Variants in NME7 observed in about 807,000 individuals in gnomAD.
NME7 encodes nucleoside diphosphate kinase 7.
A neutral mutation model predicts 49.1 loss-of-function variants in NME7; 41 were observed. The observed-to-expected ratio is 0.83, with a 90% confidence interval of 0.65 to 1.08. The LOEUF is 1.08. Among genes scored for constraint, NME7 ranks in the 50% least tolerant of loss-of-function variants. The pLI is 0.00. For missense variants in NME7, 423 were observed against 463.4 expected, an observed-to-expected ratio of 0.91 and a Z score of 0.80; for synonymous variants, 139 against 150.6, an observed-to-expected ratio of 0.92 and a Z score of 0.56.
chr1:169,278,051 G>A (rs964789581), intron 7 of NME7, among the ~76,000 whole-genome samples: 1 of 151,846 alleles, frequency 6.6e-6, no homozygotes, highest in African/African-American at 2.4e-5. Flanking sequence ...TCTGCCGAGA[G>A]ATCCGCTGTT....
intron 1 of NME7, among the ~76,000 whole-genome samples, chr1:169,333,699 A>C (rs1158801139): frequency 8.5e-5 from 13 of 152,154 alleles, no homozygotes; most frequent in Admixed American, 8.5e-4. Context: ...ACAGAGGTGA[A>C]CCCAGGCAGC....
At chr1:169,166,452 A>G (rs1262009133) in intron 11 of NME7, among the ~76,000 whole-genome samples, 1 of 152,178 alleles carries the variant, frequency 6.6e-6, no homozygotes, top group African/African-American at 2.4e-5. Context: ...TAACAACAAC[A>G]AAGAAACTTA....
intron 11 of NME7, among the ~76,000 whole-genome samples, chr1:169,140,960 G>T (rs1342507540): frequency 6.6e-6 from 1 of 152,102 alleles, no homozygotes; most frequent in African/African-American, 2.4e-5. Context: ...GTCCACTGGG[G>T]TTGAAAGCCA....
intron 3 of NME7, chr1:169,322,071 G>A (rs1480584165): frequency 6.6e-6 from 1 of 152,094 alleles, no homozygotes; most frequent in African/African-American, 2.4e-5. Flanking sequence ...CATAAATGTA[G>A]AGACTGAAAA....
chr1:169,186,498 T>C (rs1206417532), intron 10 of NME7, among the ~76,000 whole-genome samples: 1 of 152,142 alleles, frequency 6.6e-6, no homozygotes, highest in Non-Finnish European at 1.5e-5. Flanking sequence ...CTTGGGAGGG[T>C]GTATGTGTCC....
intron 10 of NME7, among the ~76,000 whole-genome samples, chr1:169,223,898 A>C (rs547966250): frequency 6.6e-6 from 1 of 152,276 alleles, no homozygotes; most frequent in South Asian, 2.1e-4. Flanking sequence ...CCTTCATATC[A>C]TATCTCCAAT....
chr1:169,351,543 T>C (rs1653172600), intron 1 of NME7, among the ~76,000 whole-genome samples: 1 of 146,860 alleles, frequency 6.8e-6, no homozygotes, highest in Non-Finnish European at 1.5e-5. Context: ...TGGAGCAAAC[T>C]GAAACCAAAA....
At chr1:169,144,467 G>C (rs79967937) in intron 11 of NME7, among the ~76,000 whole-genome samples, 22 of 152,058 alleles carry the variant, frequency 1.4e-4, no homozygotes, top group African/African-American at 5.1e-4. Flanking sequence ...TATCTAACAG[G>C]AGGCTCATCT....
intron 1 of NME7, among the ~76,000 whole-genome samples, chr1:169,357,687 A>C (rs1044164725): frequency 7.2e-5 from 11 of 152,256 alleles, no homozygotes; most frequent in African/African-American, 2.6e-4. Flanking sequence ...GGTTTAACAT[A>C]AATGATAAAA....
At chr1:169,323,803 C>A (rs1651946714) in intron 2 of NME7, among the ~76,000 whole-genome samples, 1 of 122,908 alleles carries the variant, frequency 8.1e-6, no homozygotes, top group East Asian at 2.5e-4. Context: ...TTGTTTATTT[C>A]TTATCCAAAA....
At chr1:169,181,364 TACAC>T (rs58453647) in intron 10 of NME7, among the ~76,000 whole-genome samples, 15,816 of 91,374 alleles carry the variant, frequency 0.17, 866 homozygotes, top group East Asian at 0.44. Context: ...CTCAAATTCC[TACAC>T]ACACACACAC....
intron 6 of NME7, among the ~76,000 whole-genome samples, chr1:169,295,518 C>T (rs1329040817): frequency 6.6e-6 from 1 of 152,046 alleles, no homozygotes; most frequent in Non-Finnish European, 1.5e-5. Flanking sequence ...CAAAACAATA[C>T]CACATTTACA....
At position 169,249,125 on chromosome 1, in the gene NME7, G is replaced by A. The variant is rs550998175; in HGVS notation, c.755-11438C>T. On this transcript the variant is annotated intron_variant, in intron 7 of 11. Coordinates refer to ENST00000367811, the MANE Select transcript of NME7 (RefSeq NM_013330.5). The stretch of plus-strand genomic sequence containing the variant: ...TTATTCCAATCCATGAGCATGGGAT[G>A]TGTTTCCATTTGTTTGTGTCATCTA... 2.0e-3 allele frequency among the ~76,000 whole-genome samples: 303 copies of A among 152,206 alleles called. 4 individuals carry two copies. Among genetic ancestry groups the A allele is most frequent in the African/African-American group, 7.1e-3 (294 of 41,560 alleles).
chr1:169,245,545 T>G (rs1396831404), intron 7 of NME7, among the ~76,000 whole-genome samples: 2 of 152,094 alleles, frequency 1.3e-5, no homozygotes, highest in African/African-American at 4.8e-5. Context: ...GGAAAGAAAC[T>G]GAAAGAAAAG....
chr1:169,280,364 T>G (rs925210292), intron 7 of NME7, among the ~76,000 whole-genome samples: 5 of 152,194 alleles, frequency 3.3e-5, no homozygotes, highest in African/African-American at 1.2e-4. Context: ...TAGCCCTTTG[T>G]CAGATGGATA....
intron 10 of NME7, among the ~76,000 whole-genome samples, chr1:169,171,285 TGAGCCTGTGAGGTC>T (rs1314207334): frequency 6.6e-6 from 1 of 151,964 alleles, no homozygotes; most frequent in Non-Finnish European, 1.5e-5. Flanking sequence ...GAGGATGGCT[TGAGCCTGTGAGGTC>T]GAGGCTGCAG....
chr1:169,288,667 G>A (rs868621975), intron 6 of NME7, among the ~76,000 whole-genome samples: 6 of 152,126 alleles, frequency 3.9e-5, no homozygotes, highest in African/African-American at 4.8e-5. Flanking sequence ...GTATACACCT[G>A]AGCATTTCCA....
intron 1 of NME7, among the ~76,000 whole-genome samples, chr1:169,366,803 C>T (rs1342825293): frequency 6.6e-6 from 1 of 152,102 alleles, no homozygotes; most frequent in Non-Finnish European, 1.5e-5. Flanking sequence ...AATGTCTTCA[C>T]AGAGAATGGG....
chr1:169,275,240 G>A (rs535108330), intron 7 of NME7, among the ~76,000 whole-genome samples: 1 of 130,638 alleles, frequency 7.7e-6, no homozygotes, highest in East Asian at 2.0e-4. Context: ...TTGTGAATGG[G>A]AGCTCACTCA....
Sources: allele counts gnomAD v4.1 joint callset (sites outside exome capture counted in the v4.1 genomes callset), GRCh38; gene constraint gnomAD v4.1.1; transcripts MANE v1.5; gene names NCBI Gene and HGNC (gene_info 2026-07-23, HGNC 2026-07-21).